ATP2B3: variants seen among roughly 807,000 people sequenced by gnomAD.
ATP2B3 encodes plasma membrane calcium-transporting ATPase 3.
A neutral mutation model predicts 70.8 loss-of-function variants in ATP2B3; 12 were observed. The ratio of observed to expected loss-of-function variants is 0.17; its 90% CI spans 0.11 to 0.27. The LOEUF (loss-of-function observed/expected upper bound fraction) is 0.27, where lower values mean the gene tolerates loss of function less well. Among genes scored for constraint, ATP2B3 ranks in the 10% least tolerant of loss-of-function variants. ATP2B3 has a pLI of 1.00. For missense variants in ATP2B3, 858 were observed against 1,118.5 expected, an observed-to-expected ratio of 0.77 and a Z score of 3.32; for synonymous variants, 460 against 497.8, an observed-to-expected ratio of 0.92 and a Z score of 1.01.
chrX:153,574,530 C>A (rs1054901162), intron 21 of ATP2B3, among the ~76,000 whole-genome samples: 1 of 111,764 alleles, frequency 8.9e-6, no homozygotes, highest in Admixed American at 9.5e-5. Context: ...AGCACAGAGG[C>A]AGCAGGATAG....
At chrX:153,571,003 T>TACACAC (rs879951205) in intron 21 of ATP2B3, among the ~76,000 whole-genome samples, 18,340 of 87,292 alleles carry the variant, frequency 0.21, 1,914 homozygotes, top group Non-Finnish European at 0.28. Context: ...CGTGCGCGCG[T>TACACAC]ACACACACAC....
intron 16 of ATP2B3, 60 bp from the exon 17 acceptor site, chrX:153,558,052 G>A (rs1453389197): frequency 3.6e-6 from 4 of 1,117,485 alleles, no homozygotes; most frequent in Non-Finnish European, 4.8e-6. Flanking sequence ...GGTGATCAAG[G>A]GGGGCTGGGG....
At chrX:153,557,096 G>A in intron 16 of ATP2B3, 73 bp downstream of exon 16, 1 of 1,001,349 alleles carries the variant, frequency 1.0e-6, no homozygotes, top group Non-Finnish European at 1.4e-6. Flanking sequence ...CATTAGCTTT[G>A]TACCAGGAAG....
chrX:153,573,791 G>A lies in ATP2B3; in HGVS notation c.3343-6187G>A, dbSNP rs181654163. ...TGGGTCCTCTTTAGTCCGACCACCC[G>A]ACACTGACTCGCCGCGCCCAGGTCA... On this transcript the variant is annotated intron_variant, in intron 21 of 21. Coordinates refer to ENST00000263519, the MANE Select transcript of ATP2B3 (RefSeq NM_001001344.3). 7.1e-5 allele frequency among the ~76,000 whole-genome samples: 8 copies of A among 112,561 alleles called. No homozygotes were observed. The East Asian group carries it at 8.4e-4, about 12-fold the overall frequency.
At chrX:153,530,983 C>G (rs2090108936) in intron 2 of ATP2B3, among the ~76,000 whole-genome samples, 1 of 112,518 alleles carries the variant, frequency 8.9e-6, no homozygotes, top group South Asian at 3.7e-4. Flanking sequence ...TGCCTCAGCT[C>G]CTTCCCTCCC....
chrX:153,520,267 C>T (rs1370790275), intron 2 of ATP2B3, among the ~76,000 whole-genome samples: 2 of 112,761 alleles, frequency 1.8e-5, no homozygotes, highest in Admixed American at 1.9e-4. Flanking sequence ...AAAGGGGCGC[C>T]TTGCCTGCCC....
At chrX:153,564,813 A>G (rs1603110964) in intron 20 of ATP2B3, 108 bp from the exon 21 acceptor site, 2 of 839,281 alleles carry the variant, frequency 2.4e-6, no homozygotes. Flanking sequence ...AAAACAAATG[A>G]CATCCTTTGG....
chrX:153,537,689 C>G (rs1440609382), intron 3 of ATP2B3, among the ~76,000 whole-genome samples: 1 of 112,399 alleles, frequency 8.9e-6, no homozygotes, highest in African/African-American at 3.2e-5. Flanking sequence ...TGCCTTGGCT[C>G]TGCTCCCGAG....
intron 7 of ATP2B3, among the ~76,000 whole-genome samples, chrX:153,545,050 G>A (rs1336853687): frequency 3.6e-5 from 4 of 111,817 alleles, no homozygotes; most frequent in African/African-American, 1.3e-4. Context: ...AACCCTGGGC[G>A]GAGAGGGCCT....
rs781817968 is a variant in ATP2B3, at chrX:153,548,037, CTG to C, written c.1123+39_1123+40del. On this transcript the variant is annotated intron_variant, in intron 9 of 21. Coordinates refer to ENST00000263519, the MANE Select transcript of ATP2B3 (RefSeq NM_001001344.3). The stretch of plus-strand genomic sequence containing the variant: ...GGAGGTGGTGGGCCCAGGCCATTGA[CTG>C]GGCGTGGAGGATGCTGGGCTCCTGG... 2.2e-5 allele frequency: 26 copies of C among 1,173,523 alleles called. No homozygotes were observed. In the East Asian group the frequency reaches 7.8e-4, roughly 35 times the overall value.
At chrX:153,538,905 G>A (rs1447390420) in intron 3 of ATP2B3, among the ~76,000 whole-genome samples, 1 of 112,960 alleles carries the variant, frequency 8.9e-6, no homozygotes. Context: ...GGCTGGCGAG[G>A]GCGAGGGAGC....
chrX:153,523,692 T>A (rs1275615495), intron 2 of ATP2B3, among the ~76,000 whole-genome samples: 1 of 17,868 alleles, frequency 5.6e-5, no homozygotes, highest in East Asian at 2.8e-3. Context: ...CCCTTCATTT[T>A]TTTTTTTTTT....
intron 2 of ATP2B3, 140 bp from the exon 3 acceptor site, chrX:153,535,982 G>GC: frequency 2.4e-6 from 1 of 415,104 alleles, no homozygotes; most frequent in Non-Finnish European, 4.3e-6. Context: ...AGGGCCACTG[G>GC]CCCAGCCTGG....
chrX:153,571,229 G>A (rs995736476), intron 21 of ATP2B3, among the ~76,000 whole-genome samples: 2 of 112,488 alleles, frequency 1.8e-5, no homozygotes, highest in African/African-American at 6.4e-5. Context: ...CGGACAGGAG[G>A]CTCTGCCAAG....
intron 2 of ATP2B3, among the ~76,000 whole-genome samples, chrX:153,522,649 T>A (rs2089974674): frequency 8.9e-6 from 1 of 112,088 alleles, no homozygotes; most frequent in Non-Finnish European, 1.9e-5. Flanking sequence ...TGGCCAAGCA[T>A]GTACTCTCCA....
chrX:153,532,497 A>G (rs2090131781), intron 2 of ATP2B3, among the ~76,000 whole-genome samples: 1 of 111,677 alleles, frequency 9.0e-6, no homozygotes, highest in Non-Finnish European at 1.9e-5. Flanking sequence ...CCTGCTGAAG[A>G]GAAGAGTCCA....
At position 153,536,136 on chromosome X, in the gene ATP2B3, C is replaced by A; in HGVS notation, c.-112C>A. The stretch of plus-strand genomic sequence containing the variant: ...CATCTCCCCAGGTGTCCACGCTTAG[C>A]AGCTTTCTCACCGCCGCCAAACCTT... On this transcript the variant is annotated 5_prime_UTR_variant, in exon 3 of 22. Transcript: ENST00000263519. 1 of 880,749 alleles carries A rather than the reference C, an allele frequency of 1.1e-6. No homozygotes were observed. The highest frequency in any genetic ancestry group is 1.6e-6 in the Non-Finnish European group (1 of 612,924). The allele number at this position is 880,749 out of a possible 1,213,427, so 72.6% of individuals were successfully genotyped here. A position where few individuals can be genotyped will look rare whatever the true frequency, so the allele number is the denominator to read the frequency against.
At position 153,565,122 on chromosome X, in the gene ATP2B3, T is replaced by G. The variant is rs1162430182; in HGVS notation, c.3342+19T>G. ...GACGCAGGTAAGCCCCGACTCGCTCTCGCCCTGGCACTTCCACCCCAAGAG... is the reference window on the plus strand; with the variant it reads ...GACGCAGGTAAGCCCCGACTCGCTCGCGCCCTGGCACTTCCACCCCAAGAG... On this transcript the variant is annotated intron_variant, in intron 21 of 21. Coordinates refer to ENST00000263519, the MANE Select transcript of ATP2B3 (RefSeq NM_001001344.3). 3.5e-6 allele frequency: 4 copies of G among 1,159,205 alleles called. No homozygotes were observed. In the African/African-American group the frequency reaches 7.1e-5, roughly 21 times the overall value.
In ATP2B3 at chrX:153,558,097, G is replaced by T; in HGVS notation, c.2434-15G>T. The T allele has an allele frequency of 1.7e-6, 2 of 1,201,448 alleles. No individual in the cohort carries two copies. The highest frequency in any genetic ancestry group is 3.6e-5 in the South Asian group (2 of 54,918). On this transcript the variant is annotated splice_polypyrimidine_tract_variant and intron_variant, in intron 16 of 21. Transcript: ENST00000263519. ...CCACAAACACTCTGTGTGAGTGTGT[G>T]TGTCACCCCCCCAGGGCATCGCAGG... is the stretch of plus-strand genomic sequence containing the variant.
Sources: gnomAD v4.1 joint callset for allele counts (sites outside exome capture counted in the v4.1 genomes callset) on GRCh38, gnomAD v4.1.1 for gene constraint, MANE v1.5 for transcripts, NCBI Gene and HGNC (gene_info 2026-07-23, HGNC 2026-07-21) for gene names.